Variants in ZSCAN22 observed in about 807,000 individuals in gnomAD.
The protein encoded by ZSCAN22 is zinc finger and SCAN domain-containing protein 22.
In ZSCAN22, 7 loss-of-function variants were observed where a neutral mutation model predicts 12.4. That is an observed-to-expected ratio of 0.57 (90% CI 0.32 to 1.06). The LOEUF (loss-of-function observed/expected upper bound fraction) is 1.06, where lower values mean the gene tolerates loss of function less well. Among genes scored for constraint, ZSCAN22 ranks in the 50% least tolerant of loss-of-function variants. The pLI is 0.04. For missense variants in ZSCAN22, 576 were observed against 631.7 expected (o/e 0.91, Z 0.94); for synonymous variants, 243 against 255.9 (o/e 0.95, Z 0.48).
intron 1 of ZSCAN22, among the ~76,000 whole-genome samples, chr19:58,331,556 T>C (rs1184766512): frequency 7.0e-6 from 1 of 142,784 alleles, no homozygotes; most frequent in African/African-American, 2.6e-5. Flanking sequence ...TTATTATTAT[T>C]ATTATTATTT....
intron 1 of ZSCAN22, among the ~76,000 whole-genome samples, chr19:58,332,514 A>G (rs1259946254): frequency 3.3e-5 from 5 of 151,792 alleles, no homozygotes; most frequent in Non-Finnish European, 1.5e-5. Flanking sequence ...ACCTCAGGTG[A>G]TCTACCCACC....
intron 1 of ZSCAN22, among the ~76,000 whole-genome samples, chr19:58,334,409 C>T (rs949614588): frequency 1.3e-4 from 20 of 152,118 alleles, no homozygotes; most frequent in African/African-American, 3.9e-4. Context: ...CTCCGCCTCC[C>T]GGGTTCACGC....
chr19:58,339,013 C>T lies in ZSCAN22; in HGVS notation c.1163C>T (p.Ala388Val). 1 of 1,613,830 alleles carries T rather than the reference C, an allele frequency of 6.2e-7. No homozygotes were observed. Among genetic ancestry groups the T allele is most frequent in the Non-Finnish European group, 8.5e-7 (1 of 1,179,736 alleles). ...TACGAGTGTGACGCGTGTGGGAAAG[C>T]CTTCAGCCAGAGCACGCACCTGACT... is the stretch of plus-strand genomic sequence containing the variant. Reference protein sequence around the residue: ...RPYECDACGKAFSQSTHLTQH... With the variant: ...RPYECDACGKVFSQSTHLTQH... The change falls in exon 3 of 3, where the codon GCC becomes GTC. Residue 388 changes from alanine to valine, a missense_variant. Coordinates refer to ENST00000329665, the MANE Select transcript of ZSCAN22 (RefSeq NM_181846.3). The surrounding 1 kb of genome is among the most constrained non-coding windows in gnomAD (Gnocchi z 5.6).
At chr19:58,333,054 C>G (rs1219548516) in intron 1 of ZSCAN22, among the ~76,000 whole-genome samples, 8 of 152,226 alleles carry the variant, frequency 5.3e-5, no homozygotes, top group Non-Finnish European at 1.0e-4. Context: ...TGATGTTAAG[C>G]ATCTTTTCAT....
intron 2 of ZSCAN22, among the ~76,000 whole-genome samples, chr19:58,336,826 G>A (rs930398310): frequency 3.3e-5 from 5 of 152,200 alleles, no homozygotes; most frequent in African/African-American, 7.2e-5. Context: ...GAAGGCCAGC[G>A]GCACAGCATC....
rs938064198 is a variant in ZSCAN22, at chr19:58,339,177, A to T, written c.1327A>T (p.Lys443Ter). 6.2e-7 allele frequency: 1 copy of T among 1,614,178 alleles called. No homozygotes were observed. Among genetic ancestry groups the T allele is most frequent in the Non-Finnish European group, 8.5e-7 (1 of 1,180,032 alleles). ...EKPYQCKVCP[K>*]AFAQSSSLIE... Reference sequence around the variant, plus strand: ...GCCATATCAGTGTAAGGTTTGTCCGAAGGCCTTTGCACAGAGCTCCTCCCT... The same window carrying T: ...GCCATATCAGTGTAAGGTTTGTCCGTAGGCCTTTGCACAGAGCTCCTCCCT... Residue 443 changes from lysine (K) to a stop codon, truncating the protein, a stop_gained, in exon 3 of 3, where the codon AAG (lysine) becomes TAG (stop). Transcript: ENST00000329665. LOFTEE classifies it low-confidence loss of function (END_TRUNC). The surrounding 1 kb of genome is among the most constrained non-coding windows in gnomAD (Gnocchi z 5.6).
chr19:58,328,042 G>A (rs2051676956), intron 1 of ZSCAN22, among the ~76,000 whole-genome samples: 2 of 152,162 alleles, frequency 1.3e-5, no homozygotes, highest in Non-Finnish European at 2.9e-5. Flanking sequence ...GTAGAGACGG[G>A]CTTTCACCAT....
At chr19:58,330,182 CG>C (rs1176375426) in intron 1 of ZSCAN22, among the ~76,000 whole-genome samples, 4 of 151,862 alleles carry the variant, frequency 2.6e-5, no homozygotes, top group Non-Finnish European at 5.9e-5. Context: ...CCCAGCTACT[CG>C]GGAGGCTGAG....
chr19:58,338,328 G>A lies in ZSCAN22; in HGVS notation c.478G>A (p.Val160Ile). ...CCTGGGAGAGTCAGAGCCATCAAAT[G>A]TCACTGAGACCCTCATGGGAGGTGT... Reference protein sequence around the residue: ...SDLGESEPSNVTETLMGGVSL... With the variant: ...SDLGESEPSNITETLMGGVSL... The change falls in exon 3 of 3, where the codon GTC becomes ATC. Residue 160 changes from valine (V) to isoleucine (I), a missense_variant. Coordinates refer to ENST00000329665, the MANE Select transcript of ZSCAN22 (RefSeq NM_181846.3). The surrounding 1 kb of genome is among the most constrained non-coding windows in gnomAD (Gnocchi z 5.4). 1.2e-6 allele frequency: 2 copies of A among 1,613,950 alleles called. No individual in the cohort carries two copies.
chr19:58,336,825 C>T (rs545417218), intron 2 of ZSCAN22, among the ~76,000 whole-genome samples: 9 of 152,282 alleles, frequency 5.9e-5, no homozygotes, highest in Non-Finnish European at 1.3e-4. Flanking sequence ...GGAAGGCCAG[C>T]GGCACAGCAT....
Position 58,340,096 on chromosome 19 carries a change from A to C in ZSCAN22, c.*770A>C, listed in dbSNP as rs61460516. ...TATAGCCGGGGTCTCCTTCCTGACCACTTCCTGCCTTTATTCTCTGCCCCT... is the reference window on the plus strand; with the variant it reads ...TATAGCCGGGGTCTCCTTCCTGACCCCTTCCTGCCTTTATTCTCTGCCCCT... On this transcript the variant is annotated 3_prime_UTR_variant, in exon 3 of 3. Coordinates refer to ENST00000329665, the MANE Select transcript of ZSCAN22 (RefSeq NM_181846.3). The C allele has an allele frequency of 0.095, 14,396 of 152,108 alleles. 1,042 individuals are homozygous for C. The highest frequency in any genetic ancestry group is 0.18 in the African/African-American group (7,559 of 41,424). The allele number at this position is 152,108 out of a possible 1,614,324, so 9.4% of individuals were successfully genotyped here. A position where few individuals can be genotyped will look rare whatever the true frequency, so the allele number is the denominator to read the frequency against.
chr19:58,338,368 C>A lies in ZSCAN22; in HGVS notation c.518C>A (p.Ala173Asp). The change falls in exon 3 of 3, where the codon GCC becomes GAC. Residue 173 changes from alanine to aspartate, a missense_variant. Physicochemically the swap from Ala to Asp is moderately radical, Grantham distance 126. Coordinates refer to ENST00000329665, the MANE Select transcript of ZSCAN22 (RefSeq NM_181846.3). The surrounding 1 kb of genome is among the most constrained non-coding windows in gnomAD (Gnocchi z 5.4). ...TLMGGVSLGP[A>D]FVKACEPEGS... ...ATGGGAGGTGTTTCCCTTGGACCCGCCTTTGTCAAGGCATGTGAACCTGAG... is the reference window on the plus strand; with the variant it reads ...ATGGGAGGTGTTTCCCTTGGACCCGACTTTGTCAAGGCATGTGAACCTGAG... 1 of 1,614,170 alleles carries A rather than the reference C, an allele frequency of 6.2e-7. No individual in the cohort carries two copies. The highest frequency in any genetic ancestry group is 1.7e-5 in the Admixed American group (1 of 60,018).
chr19:58,330,024 C>T (rs2051703566), intron 1 of ZSCAN22, among the ~76,000 whole-genome samples: 1 of 152,218 alleles, frequency 6.6e-6, no homozygotes, highest in South Asian at 2.1e-4. Context: ...CGCAGTGGCT[C>T]ATGCCTGTAA....
In ZSCAN22 at chr19:58,339,734, C is replaced by T. The variant is rs1167499435; in HGVS notation, c.*408C>T. 5.7e-6 allele frequency: 1 copy of T among 175,700 alleles called. No homozygotes were observed. The highest frequency in any genetic ancestry group is 1.2e-5 in the Non-Finnish European group (1 of 82,402). 10.9% of individuals were successfully genotyped at this position (175,700 alleles called of 1,614,324 possible). ...GTTCTCATGTGGTTCTTCTTGCCTG[C>T]TTTTCTGCTGCTTAGCCCAGAACGG... On this transcript the variant is annotated 3_prime_UTR_variant, in exon 3 of 3. Transcript: ENST00000329665. The surrounding 1 kb of genome is among the most constrained non-coding windows in gnomAD (Gnocchi z 5.6).
chr19:58,331,672 G>A (rs1210260295), intron 1 of ZSCAN22, among the ~76,000 whole-genome samples: 2 of 151,328 alleles, frequency 1.3e-5, no homozygotes, highest in Non-Finnish European at 2.9e-5. Flanking sequence ...AGCCTCCTAA[G>A]TAGCTGGGAC....
Position 58,338,608 on chromosome 19 carries a change from C to T in ZSCAN22, c.758C>T (p.Ala253Val), listed in dbSNP as rs149554490. 6 of 1,614,242 alleles carry T rather than the reference C, an allele frequency of 3.7e-6. No homozygotes were observed. The African/African-American group carries it at 8.0e-5, about 22-fold the overall frequency. The stretch of plus-strand genomic sequence containing the variant: ...GAAGACAAATTTGATCTGGTGGATG[C>T]TTATGGGACAGAGCCTCCATACACC... The part of the protein sequence containing the change: ...PSEDKFDLVD[A>V]YGTEPPYTYS... Residue 253 changes from alanine to valine, a missense_variant, in exon 3 of 3, where the codon GCT (alanine) becomes GTT (valine). Ala to Val is a moderately conservative substitution (Grantham distance 64). Coordinates refer to ENST00000329665, the MANE Select transcript of ZSCAN22 (RefSeq NM_181846.3). The surrounding 1 kb of genome is among the most constrained non-coding windows in gnomAD (Gnocchi z 5.4).
chr19:58,337,993 A>G (rs995551623), intron 2 of ZSCAN22, among the ~76,000 whole-genome samples: 1 of 152,264 alleles, frequency 6.6e-6, no homozygotes, highest in Non-Finnish European at 1.5e-5. Context: ...CTCTTGAGCC[A>G]AAATTGGGAG....
chr19:58,338,947 A>C lies in ZSCAN22; in HGVS notation c.1097A>C (p.His366Pro). 6.2e-7 allele frequency: 1 copy of C among 1,613,754 alleles called. No homozygotes were observed. Among genetic ancestry groups the C allele is most frequent in the Non-Finnish European group, 8.5e-7 (1 of 1,179,896 alleles). ...GGTAAAACCTTCAGCCGCAGCACTCACCTCACCCAGCACCAGCGGGTGCAC... is the reference window on the plus strand; with the variant it reads ...GGTAAAACCTTCAGCCGCAGCACTCCCCTCACCCAGCACCAGCGGGTGCAC... ...ECGKTFSRST[H>P]LTQHQRVHTG... Residue 366 changes from histidine to proline, a missense_variant, in exon 3 of 3, where the codon CAC becomes CCC. Transcript: ENST00000329665. This position sits in a 1 kb window ranked among gnomAD's most constrained non-coding sequence, Gnocchi z 5.4.
At chr19:58,332,206 C>T (rs1336343139) in intron 1 of ZSCAN22, among the ~76,000 whole-genome samples, 3 of 150,998 alleles carry the variant, frequency 2.0e-5, no homozygotes, top group Admixed American at 2.0e-4. Flanking sequence ...AAGAAATTCC[C>T]AAACCTATTA....
Sources: gnomAD v4.1 joint callset for allele counts (sites outside exome capture counted in the v4.1 genomes callset) on GRCh38, gnomAD v4.1.1 for gene constraint, Gnocchi (gnomAD v3.1) non-coding constraint, MANE v1.5 for transcripts, NCBI Gene and HGNC (gene_info 2026-07-23, HGNC 2026-07-21) for gene names.